Variants in ATRNL1 observed in about 807,000 individuals in gnomAD.
The protein encoded by ATRNL1 is attractin-like protein 1.
Under a neutral mutation model 182.7 loss-of-function variants are expected in ATRNL1, and 95 were observed. The ratio of observed to expected loss-of-function variants is 0.52; its 90% CI spans 0.44 to 0.62. The LOEUF (loss-of-function observed/expected upper bound fraction) is 0.62. ATRNL1 is among the 20% of genes least tolerant of loss of function. The pLI is 0.00. For synonymous variants in ATRNL1, 576 were observed against 568.3 expected, an observed-to-expected ratio of 1.01 and a Z score of -0.19; for missense variants, 1,471 against 1,679.5, an observed-to-expected ratio of 0.88 and a Z score of 2.17.
chr10:115,105,598 T>C (rs1554865707), intron 1 of ATRNL1, among the ~76,000 whole-genome samples: 2 of 152,226 alleles, frequency 1.3e-5, no homozygotes, highest in African/African-American at 4.8e-5. Context: ...AATGGTTTTG[T>C]GGGCCAGGCC....
intron 7 of ATRNL1, among the ~76,000 whole-genome samples, chr10:115,168,811 T>A (rs1345470256): frequency 1.3e-5 from 2 of 151,998 alleles, no homozygotes; most frequent in Admixed American, 1.3e-4. Flanking sequence ...GGACTTTATC[T>A]TGATAAAGTC....
At chr10:115,268,582 A>G in intron 13 of ATRNL1, 138 bp downstream of exon 13, 6 of 561,886 alleles carry the variant, frequency 1.1e-5, no homozygotes, top group Non-Finnish European at 1.9e-5. Context: ...GGAATCATTC[A>G]CTTCTTGGCA....
chr10:115,865,876 C>T (rs1456584077), intron 28 of ATRNL1, among the ~76,000 whole-genome samples: 1 of 152,012 alleles, frequency 6.6e-6, no homozygotes, highest in Non-Finnish European at 1.5e-5. Flanking sequence ...TCCCTTGATT[C>T]TTTTTCTTTT....
intron 5 of ATRNL1, among the ~76,000 whole-genome samples, chr10:115,154,211 A>G (rs1846385446): frequency 6.6e-6 from 1 of 151,870 alleles, no homozygotes; most frequent in East Asian, 1.9e-4. Context: ...AGAGTTCTGT[A>G]GATGTCTATT....
At chr10:115,541,855 T>C (rs1554992080) in intron 25 of ATRNL1, among the ~76,000 whole-genome samples, 1 of 152,172 alleles carries the variant, frequency 6.6e-6, no homozygotes, top group Non-Finnish European at 1.5e-5. Context: ...TTCTGTTTCT[T>C]CAAGCTGGTG....
chr10:115,725,952 G>A (rs1299290367), intron 26 of ATRNL1, among the ~76,000 whole-genome samples: 1 of 151,968 alleles, frequency 6.6e-6, no homozygotes, highest in African/African-American at 2.4e-5. Context: ...AAATGAATTT[G>A]TTACTTCAAA....
rs28410480 is a variant in ATRNL1 at position 115,249,338 on chromosome 10, T to C, written c.1687+7613T>C. Among the ~76,000 whole-genome samples, 28 of 151,666 alleles carry C rather than the reference T, an allele frequency of 1.8e-4. No homozygotes were observed. In the East Asian group the frequency reaches 3.5e-3, roughly 19 times the overall value. ...CTTTACAGTAATACAGATATATATA[T>C]ACACACACACACACGTTTATATATA... On this transcript the variant is annotated intron_variant, in intron 10 of 28. Coordinates refer to ENST00000355044, the MANE Select transcript of ATRNL1 (RefSeq NM_207303.4).
chr10:115,599,802 G>A (rs531530732), intron 26 of ATRNL1, among the ~76,000 whole-genome samples: 7 of 152,186 alleles, frequency 4.6e-5, no homozygotes, highest in African/African-American at 1.7e-4. Context: ...CTATAACAAT[G>A]TGCTAACTTA....
chr10:115,096,331 A>G (rs1346079393), intron 1 of ATRNL1, among the ~76,000 whole-genome samples: 2 of 152,178 alleles, frequency 1.3e-5, no homozygotes, highest in African/African-American at 2.4e-5. Context: ...TAAAGAACAC[A>G]TTGGTATTTA....
At chr10:115,365,306 A>G (rs544193302) in intron 19 of ATRNL1, among the ~76,000 whole-genome samples, 10,865 of 151,266 alleles carry the variant, frequency 0.072, 1,237 homozygotes, top group African/African-American at 0.25. Flanking sequence ...GTTTATTTGC[A>G]TAGAGGTGTT....
At chr10:115,505,724 A>T (rs1018075194) in intron 24 of ATRNL1, among the ~76,000 whole-genome samples, 1 of 152,086 alleles carries the variant, frequency 6.6e-6, no homozygotes, top group African/African-American at 2.4e-5. Context: ...TAGGAGAGAA[A>T]AAAAAACATG....
At chr10:115,787,501 T>C (rs1244677891) in intron 27 of ATRNL1, among the ~76,000 whole-genome samples, 2 of 152,226 alleles carry the variant, frequency 1.3e-5, no homozygotes, top group Non-Finnish European at 2.9e-5. Context: ...GGCTTTTTTC[T>C]CATCATATAC....
At position 115,912,540 on chromosome 10, in the gene ATRNL1, A is replaced by T. The variant is rs140949798; in HGVS notation, c.4019-32118A>T. On this transcript the variant is annotated intron_variant, in intron 28 of 28. Transcript: ENST00000355044. ...ACTGGAGCTATGTATCAAGAGCTTC[A>T]AAAGAGTTCATATTCAGGTTCAGTA... Among the ~76,000 whole-genome samples the T allele has an allele frequency of 3.5e-3, 536 of 152,236 alleles. 1 individual carries two copies. Among genetic ancestry groups the T allele is most frequent in the African/African-American group, 0.012 (512 of 41,532 alleles).
At chr10:115,677,707 C>T (rs1945910113) in intron 26 of ATRNL1, among the ~76,000 whole-genome samples, 1 of 151,984 alleles carries the variant, frequency 6.6e-6, no homozygotes. Context: ...TTTCCAGTCT[C>T]GGATATGTCT....
intron 28 of ATRNL1, among the ~76,000 whole-genome samples, chr10:115,910,840 AT>A (rs1254893144): frequency 1.3e-5 from 2 of 152,060 alleles, no homozygotes; most frequent in Non-Finnish European, 2.9e-5. Context: ...GCCTGCCAAT[AT>A]TTTTTTCCTA....
At chr10:115,132,477 C>G (rs1845297255) in intron 5 of ATRNL1, among the ~76,000 whole-genome samples, 1 of 152,140 alleles carries the variant, frequency 6.6e-6, no homozygotes, top group Admixed American at 6.5e-5. Flanking sequence ...AATGGTATTT[C>G]TAGTTCTAGA....
chr10:115,877,587 C>T (rs545176983), intron 28 of ATRNL1, among the ~76,000 whole-genome samples: 2 of 152,166 alleles, frequency 1.3e-5, no homozygotes, highest in South Asian at 2.1e-4. Flanking sequence ...GTAAAGTACA[C>T]TGATGTTTAA....
At chr10:115,125,315 G>A (rs1554873084) in intron 3 of ATRNL1, among the ~76,000 whole-genome samples, 1 of 152,158 alleles carries the variant, frequency 6.6e-6, no homozygotes, top group African/African-American at 2.4e-5. Context: ...TTTTCTGTGA[G>A]TGGCCCGAAG....
chr10:115,388,551 G>C (rs533332924), intron 19 of ATRNL1, among the ~76,000 whole-genome samples: 1 of 151,890 alleles, frequency 6.6e-6, no homozygotes, highest in Non-Finnish European at 1.5e-5. Flanking sequence ...CTACTTTAGC[G>C]CATGTAGTTG....
Sources: gnomAD v4.1 joint callset for allele counts (sites outside exome capture counted in the v4.1 genomes callset) on GRCh38, gnomAD v4.1.1 for gene constraint, MANE v1.5 for transcripts, NCBI Gene and HGNC (gene_info 2026-07-23, HGNC 2026-07-21) for gene names.